EGF: variants seen among roughly 807,000 people sequenced by gnomAD.
The protein encoded by EGF is pro-epidermal growth factor.
A neutral mutation model predicts 143.8 loss-of-function variants in EGF; 95 were observed. The observed-to-expected ratio is 0.66, with a 90% CI of 0.56 to 0.78. EGF has a LOEUF of 0.78. EGF is among the 30% of genes least tolerant of loss of function. EGF has a pLI of 0.00. For missense variants in EGF, 1,320 were observed against 1,470.9 expected, an observed-to-expected ratio of 0.90 and a Z score of 1.68; for synonymous variants, 510 against 510.5, an observed-to-expected ratio of 1.00 and a Z score of 0.01.
At chr4:109,993,220 T>C (rs779206819) in intron 18 of EGF, 27 bp from the exon 19 acceptor site, 2 of 1,612,840 alleles carry the variant, frequency 1.2e-6, no homozygotes, top group South Asian at 2.2e-5. Context: ...CCCACTTTTC[T>C]CTCCCGTACT....
intron 15 of EGF, 80 bp downstream of exon 15, chr4:109,981,055 G>C: frequency 6.3e-7 from 1 of 1,582,620 alleles, no homozygotes; most frequent in South Asian, 1.1e-5. Context: ...TGCTTTTGCT[G>C]ATTTTGAATA....
chr4:109,993,810 T>C (rs1014181416), intron 19 of EGF, among the ~76,000 whole-genome samples: 1 of 152,160 alleles, frequency 6.6e-6, no homozygotes, highest in African/African-American at 2.4e-5. Flanking sequence ...CTCTCTTCTC[T>C]TTCTTTTCTC....
At chr4:109,968,862 C>G in intron 10 of EGF, 109 bp from the exon 11 acceptor site, 2 of 1,483,048 alleles carry the variant, frequency 1.3e-6, no homozygotes, top group Non-Finnish European at 1.9e-6. Context: ...GTGCCTATCT[C>G]CAAAGTCAAG....
At chr4:109,925,672 C>T (rs1479065231) in intron 1 of EGF, among the ~76,000 whole-genome samples, 1 of 152,148 alleles carries the variant, frequency 6.6e-6, no homozygotes, top group African/African-American at 2.4e-5. Context: ...GCTCAGAGAA[C>T]TGTAATTCTT....
chr4:109,955,741 GT>G (rs573465880), intron 5 of EGF, among the ~76,000 whole-genome samples: 3 of 152,136 alleles, frequency 2.0e-5, no homozygotes, highest in Non-Finnish European at 2.9e-5. Flanking sequence ...TGATCACAGG[GT>G]TTTTTTGTGG....
At chr4:109,966,441 C>T (rs1746609916) in intron 10 of EGF, among the ~76,000 whole-genome samples, 1 of 152,108 alleles carries the variant, frequency 6.6e-6, no homozygotes, top group Admixed American at 6.6e-5. Context: ...ATCCACTCAT[C>T]CATTGATGGA....
chr4:110,013,662 C>T lies in EGF; in HGVS notation c.*2207C>T, dbSNP rs538243273. ...CCCTAACTCTCATCGTCTCATTGCG[C>T]GCAACGCCTGATTGAGCTTCTGTTT... On this transcript the variant is annotated 3_prime_UTR_variant, in exon 24 of 24. Coordinates refer to ENST00000265171, the MANE Select transcript of EGF (RefSeq NM_001963.6). Among the ~76,000 whole-genome samples the T allele has an allele frequency of 2.6e-5, 4 of 152,094 alleles. No individual in the cohort carries two copies. The highest frequency in any genetic ancestry group is 7.2e-5 in the African/African-American group (3 of 41,512).
At chr4:109,976,916 T>C (rs1748591275) in intron 13 of EGF, among the ~76,000 whole-genome samples, 1 of 152,184 alleles carries the variant, frequency 6.6e-6, no homozygotes, top group Non-Finnish European at 1.5e-5. Flanking sequence ...TAGAGGGGCA[T>C]TGAATGTTCT....
Position 109,995,030 on chromosome 4 carries a change from G to A in EGF, c.3005+150G>A, listed in dbSNP as rs564515327. 826 of 854,636 alleles carry A rather than the reference G, an allele frequency of 9.7e-4. 3 individuals carry two copies. The highest frequency in any genetic ancestry group is 1.4e-3 in the Non-Finnish European group (763 of 530,590). 52.9% of individuals were successfully genotyped at this position (854,636 alleles called of 1,614,324 possible). A position where few individuals can be genotyped will look rare whatever the true frequency, so the allele number is the denominator to read the frequency against. ...ACATACACATATGAACCACGTGTGT[G>A]CACTTCATTGCATGCTCCTTGTGTA... On this transcript the variant is annotated intron_variant, in intron 20 of 23. Coordinates refer to ENST00000265171, the MANE Select transcript of EGF (RefSeq NM_001963.6).
chr4:110,013,220 T>C lies in EGF; in HGVS notation c.*1765T>C, dbSNP rs1028303030. Reference sequence around the variant, plus strand: ...GGTTTTCTTTACCTAAGTGTGAATATTTTTTCTTCCTCCAAAAGCTCACTT... The same window carrying C: ...GGTTTTCTTTACCTAAGTGTGAATACTTTTTCTTCCTCCAAAAGCTCACTT... On this transcript the variant is annotated 3_prime_UTR_variant, in exon 24 of 24. Transcript: ENST00000265171. Among the ~76,000 whole-genome samples the C allele has an allele frequency of 2.6e-5, 4 of 152,196 alleles. No individual in the cohort carries two copies. Among genetic ancestry groups the C allele is most frequent in the South Asian group, 2.1e-4 (1 of 4,832 alleles).
At position 110,011,513 on chromosome 4, in the gene EGF, T is replaced by C; in HGVS notation, c.*58T>C. ...GAACTATGTCGATGCACAGTATCTTTTCTTTCAAAAGTAGAGCAAAACTAT... is the reference window on the plus strand; with the variant it reads ...GAACTATGTCGATGCACAGTATCTTCTCTTTCAAAAGTAGAGCAAAACTAT... On this transcript the variant is annotated 3_prime_UTR_variant, in exon 24 of 24. Coordinates refer to ENST00000265171, the MANE Select transcript of EGF (RefSeq NM_001963.6). 2 of 1,613,222 alleles carry C rather than the reference T, an allele frequency of 1.2e-6. No homozygotes were observed. The highest frequency in any genetic ancestry group is 1.7e-6 in the Non-Finnish European group (2 of 1,179,812).
intron 22 of EGF, among the ~76,000 whole-genome samples, chr4:110,007,789 A>G (rs1753504682): frequency 6.6e-6 from 1 of 152,174 alleles, no homozygotes; most frequent in South Asian, 2.1e-4. Context: ...GCACACACAT[A>G]TATTAGATAT....
intron 5 of EGF, among the ~76,000 whole-genome samples, chr4:109,953,116 T>C (rs1744210111): frequency 6.6e-6 from 1 of 152,232 alleles, no homozygotes; most frequent in African/African-American, 2.4e-5. Context: ...CAGAATCAGA[T>C]TGTTTTCAAG....
Position 109,976,169 on chromosome 4 carries a change from C to T in EGF, c.1987C>T (p.Gln663Ter). 6.2e-7 allele frequency: 1 copy of T among 1,614,154 alleles called. No individual in the cohort carries two copies. Residue 663 changes from glutamine to a stop codon, truncating the protein, a stop_gained, in exon 13 of 24, where the codon CAG becomes TAG. Coordinates refer to ENST00000265171, the MANE Select transcript of EGF (RefSeq NM_001963.6). LOFTEE classifies it high-confidence loss of function. ...TDKLYWCDAK[Q>*]SVIEMANLDG... is the part of the protein sequence containing the mutation. ...CAAGTTGTACTGGTGCGATGCCAAG[C>T]AGTCTGTGATTGAAATGGCCAATCT...
chr4:109,965,162 T>C (rs1046413682), intron 10 of EGF, among the ~76,000 whole-genome samples: 8 of 152,186 alleles, frequency 5.3e-5, no homozygotes, highest in Admixed American at 4.6e-4. Flanking sequence ...TAGGTTAGAA[T>C]GTGCTTGAAA....
At chr4:109,914,659 G>T (rs1430596004) in intron 1 of EGF, among the ~76,000 whole-genome samples, 1 of 152,140 alleles carries the variant, frequency 6.6e-6, no homozygotes, top group African/African-American at 2.4e-5. Context: ...CTTCCACAGT[G>T]TGTACTCAGC....
intron 16 of EGF, among the ~76,000 whole-genome samples, chr4:109,987,023 A>G (rs1203900427): frequency 6.6e-6 from 1 of 152,150 alleles, no homozygotes; most frequent in Non-Finnish European, 1.5e-5. Flanking sequence ...TGGTGCACAG[A>G]TCTACTTGCT....
chr4:109,963,104 C>T (rs1745978290), intron 8 of EGF, 69 bp from the exon 9 acceptor site: 1 of 1,577,550 alleles, frequency 6.3e-7, no homozygotes, highest in Non-Finnish European at 8.7e-7. Context: ...TGACTCGCCC[C>T]CATCCTTTGA....
chr4:109,913,233 C>T lies in EGF; in HGVS notation c.-103C>T, dbSNP rs1393996161. 12 of 1,488,902 alleles carry T rather than the reference C, an allele frequency of 8.1e-6. No individual in the cohort carries two copies. The highest frequency in any genetic ancestry group is 3.4e-5 in the Admixed American group (2 of 59,258). 92.2% of individuals were successfully genotyped at this position (1,488,902 alleles called of 1,614,324 possible). A position where few individuals can be genotyped will look rare whatever the true frequency, so the allele number is the denominator to read the frequency against. ...AAAGATGCCCCAGGGCTGAGGCCTC[C>T]GCTCAGGCAGCCGCATCTGGGGTCA... On this transcript the variant is annotated 5_prime_UTR_variant, in exon 1 of 24. Coordinates refer to ENST00000265171, the MANE Select transcript of EGF (RefSeq NM_001963.6).
Sources: allele counts gnomAD v4.1 joint callset (sites outside exome capture counted in the v4.1 genomes callset), GRCh38; gene constraint gnomAD v4.1.1; transcripts MANE v1.5; gene names NCBI Gene and HGNC (gene_info 2026-07-23, HGNC 2026-07-21).